Variants in DCC observed in about 807,000 individuals in gnomAD.
The protein encoded by DCC is DCC netrin 1 receptor.
DCC carries 58 observed loss-of-function variants against 172.5 expected under a neutral mutation model. The observed-to-expected ratio is 0.34, with a 90% CI of 0.27 to 0.42. DCC has a LOEUF of 0.42. DCC is among the 10% of genes least tolerant of loss of function. The pLI, the probability that DCC is intolerant of heterozygous loss-of-function variation, is 1.00. For synonymous variants in DCC, 709 were observed against 644.5 expected, an observed-to-expected ratio of 1.10 and a Z score of -1.52; for missense variants, 1,740 against 1,791.0, an observed-to-expected ratio of 0.97 and a Z score of 0.51.
chr18:53,217,600 A>G (rs941817697), intron 12 of DCC, among the ~76,000 whole-genome samples: 2 of 152,130 alleles, frequency 1.3e-5, no homozygotes, highest in Non-Finnish European at 2.9e-5. Context: ...TTTTCAAGAG[A>G]AAAGAAACTG....
chr18:52,822,300 C>A (rs1188563148), intron 2 of DCC, among the ~76,000 whole-genome samples: 3 of 152,166 alleles, frequency 2.0e-5, no homozygotes, highest in Non-Finnish European at 4.4e-5. Context: ...AAGCTAAGTG[C>A]CAACAAGGAG....
chr18:53,058,625 A>G lies in DCC; in HGVS notation c.986-4680A>G, dbSNP rs557390489. Among the ~76,000 whole-genome samples, 25 of 152,272 alleles carry G rather than the reference A, an allele frequency of 1.6e-4. No homozygotes were observed. In the South Asian group the frequency reaches 2.5e-3, roughly 15 times the overall value. On this transcript the variant is annotated intron_variant, in intron 5 of 28. Transcript: ENST00000442544. ...ATCACTGAGAAAAAAACAGAGATCA[A>G]AAAAGGGAAAATTGGGTAAACTTTA...
Position 52,391,085 on chromosome 18 carries a change from T to A in DCC, c.91+50207T>A, listed in dbSNP as rs1470078034. Among the ~76,000 whole-genome samples the A allele has an allele frequency of 2.0e-5, 3 of 152,224 alleles. No individual in the cohort carries two copies. In the East Asian group the frequency reaches 5.8e-4, roughly 30 times the overall value. The stretch of plus-strand genomic sequence containing the variant: ...GCTTCTACATTCATGTATGCTGTCA[T>A]CTGGTTCTTAAACCAAAATTATAAA... On this transcript the variant is annotated intron_variant, in intron 1 of 28. Transcript: ENST00000442544.
intron 5 of DCC, among the ~76,000 whole-genome samples, chr18:52,988,875 A>G (rs1020773460): frequency 1.3e-5 from 2 of 152,272 alleles, no homozygotes; most frequent in Non-Finnish European, 2.9e-5. Flanking sequence ...ATTAGCTATG[A>G]ATTGACTTGT....
intron 15 of DCC, among the ~76,000 whole-genome samples, chr18:53,365,132 G>A (rs2057990046): frequency 6.6e-6 from 1 of 150,948 alleles, no homozygotes; most frequent in African/African-American, 2.4e-5. Flanking sequence ...GTGTCTAAGT[G>A]TTTTCATTGT....
intron 1 of DCC, among the ~76,000 whole-genome samples, chr18:52,725,849 G>A (rs2036544014): frequency 2.6e-5 from 4 of 152,166 alleles, no homozygotes; most frequent in Admixed American, 1.3e-4. Flanking sequence ...CGCATCAAAT[G>A]TTCATGGTTT....
chr18:53,434,806 T>G (rs567477442), intron 21 of DCC, among the ~76,000 whole-genome samples: 3 of 152,260 alleles, frequency 2.0e-5, no homozygotes, highest in African/African-American at 7.2e-5. Context: ...GTTATTTCTG[T>G]TCTAAAAGGT....
At chr18:52,753,202 C>G (rs1257970188) in intron 2 of DCC, among the ~76,000 whole-genome samples, 1 of 152,186 alleles carries the variant, frequency 6.6e-6, no homozygotes, top group Admixed American at 6.5e-5. Context: ...AGCTACATAA[C>G]CATTTTTCAT....
rs141898889 is a variant in DCC at position 52,826,686 on chromosome 18, C to T, written c.412+74312C>T. On this transcript the variant is annotated intron_variant, in intron 2 of 28. Coordinates refer to ENST00000442544, the MANE Select transcript of DCC (RefSeq NM_005215.4). ...TAGAGATGGGGTTTCACCATGTTGC[C>T]CAGGCTACTCTCGAACTCCTGACCT... 1.2e-3 allele frequency among the ~76,000 whole-genome samples: 189 copies of T among 151,962 alleles called. 1 individual carries two copies. Among genetic ancestry groups the T allele is most frequent in the South Asian group, 5.4e-3 (26 of 4,804 alleles).
chr18:53,236,266 A>G (rs568697297), intron 12 of DCC, among the ~76,000 whole-genome samples: 4 of 152,248 alleles, frequency 2.6e-5, no homozygotes, highest in African/African-American at 9.6e-5. Flanking sequence ...ATTTTAGCAA[A>G]TCTAATAGGT....
intron 1 of DCC, among the ~76,000 whole-genome samples, chr18:52,568,738 G>T (rs369758627): frequency 6.6e-6 from 1 of 152,180 alleles, no homozygotes; most frequent in African/African-American, 2.4e-5. Flanking sequence ...TAGACAAAAA[G>T]CACAGGTGAG....
rs201731473 is a variant in DCC, at chr18:53,402,389, CA to C, written c.2828-382del. ...TAGGTAACAGAGCAAGACCCTGTCT[CA>C]AAAAAAAAAAAAAATAAATAAATAA... On this transcript the variant is annotated intron_variant, in intron 18 of 28. Transcript: ENST00000442544. Among the ~76,000 whole-genome samples, 403 of 133,232 alleles carry C rather than the reference CA, an allele frequency of 3.0e-3. 1 individual carries two copies. Among genetic ancestry groups the C allele is most frequent in the African/African-American group, 1.0e-2 (375 of 37,610 alleles). 87.4% of individuals were successfully genotyped at this position (133,232 alleles called of 152,430 possible).
At chr18:53,359,006 T>A (rs1257980726) in intron 15 of DCC, among the ~76,000 whole-genome samples, 3 of 152,160 alleles carry the variant, frequency 2.0e-5, no homozygotes, top group Non-Finnish European at 4.4e-5. Context: ...GGGTGGAGAA[T>A]TTTGACTTAA....
At chr18:53,145,588 G>T (rs147620874) in intron 7 of DCC, among the ~76,000 whole-genome samples, 3 of 152,274 alleles carry the variant, frequency 2.0e-5, no homozygotes, top group African/African-American at 7.2e-5. Context: ...AGAATTGTGA[G>T]AAATATATTT....
intron 2 of DCC, among the ~76,000 whole-genome samples, chr18:52,802,591 G>C (rs543310562): frequency 8.3e-6 from 1 of 120,578 alleles, no homozygotes; most frequent in African/African-American, 3.1e-5. Flanking sequence ...TGGTCCTCCT[G>C]TTTCAGCTTT....
rs544531874 is a variant in DCC at position 53,216,310 on chromosome 18, C to A, written c.1911+713C>A. On this transcript the variant is annotated intron_variant, in intron 12 of 28. Transcript: ENST00000442544. ...TCACCTGGTTTGACCCTGTCACCAC[C>A]TGGCCACTATGCTTGGACCTCCAGT... Among the ~76,000 whole-genome samples, 170 of 152,288 alleles carry A rather than the reference C, an allele frequency of 1.1e-3. 1 individual carries two copies. Among genetic ancestry groups the A allele is most frequent in the African/African-American group, 3.8e-3 (158 of 41,568 alleles).
chr18:52,457,609 T>C (rs1200981922), intron 1 of DCC, among the ~76,000 whole-genome samples: 3 of 152,200 alleles, frequency 2.0e-5, no homozygotes, highest in African/African-American at 7.2e-5. Flanking sequence ...TTAAGGTATA[T>C]GTTAGTAAAC....
At position 53,229,393 on chromosome 18, in the gene DCC, T is replaced by C. The variant is rs542600048; in HGVS notation, c.1911+13796T>C. Among the ~76,000 whole-genome samples the C allele has an allele frequency of 3.3e-5, 5 of 152,266 alleles. 1 individual carries two copies. Among genetic ancestry groups the C allele is most frequent in the South Asian group, 2.1e-4 (1 of 4,830 alleles). ...AGCAATTATTAAAAATTCAGTTACATAGCCTTATAATTAAACAAATTATAT... is the reference window on the plus strand; with the variant it reads ...AGCAATTATTAAAAATTCAGTTACACAGCCTTATAATTAAACAAATTATAT... On this transcript the variant is annotated intron_variant, in intron 12 of 28. Transcript: ENST00000442544.
At chr18:53,271,484 C>G (rs1349755186) in intron 12 of DCC, among the ~76,000 whole-genome samples, 1 of 152,170 alleles carries the variant, frequency 6.6e-6, no homozygotes, top group African/African-American at 2.4e-5. Context: ...GTGTTTTCAT[C>G]TGCAAGTTTG....
Sources: gnomAD v4.1 joint callset for allele counts (sites outside exome capture counted in the v4.1 genomes callset) on GRCh38, gnomAD v4.1.1 for gene constraint, MANE v1.5 for transcripts, NCBI Gene and HGNC (gene_info 2026-07-23, HGNC 2026-07-21) for gene names.